Variants in PPP3CA observed in about 807,000 individuals in gnomAD.
PPP3CA encodes CAM-PRP catalytic subunit.
In PPP3CA, 14 loss-of-function variants were observed where a neutral mutation model predicts 66.5. The observed-to-expected ratio is 0.21, with a 90% CI of 0.14 to 0.33. The LOEUF (loss-of-function observed/expected upper bound fraction) is 0.33, where lower values mean the gene tolerates loss of function less well. PPP3CA is among the 10% of genes least tolerant of loss of function. The probability of loss-of-function intolerance (pLI) is 1.00; values close to 1 mark genes in which losing one functional copy is unlikely to be tolerated. For synonymous variants in PPP3CA, 232 were observed against 226.2 expected (o/e 1.03, Z -0.23); for missense variants, 317 against 639.5 (o/e 0.50, Z 5.44).
At chr4:101,119,897 A>T (rs1721971336) in intron 2 of PPP3CA, among the ~76,000 whole-genome samples, 1 of 152,084 alleles carries the variant, frequency 6.6e-6, no homozygotes, top group Non-Finnish European at 1.5e-5. Context: ...GATTAGACTG[A>T]TTATCCACTA....
chr4:101,287,969 C>G (rs536537786), intron 1 of PPP3CA, among the ~76,000 whole-genome samples: 1 of 152,118 alleles, frequency 6.6e-6, no homozygotes, highest in South Asian at 2.1e-4. Flanking sequence ...TTGACCCAAC[C>G]GTTTAAGTCA....
chr4:101,271,087 G>T (rs1328356574), intron 1 of PPP3CA, among the ~76,000 whole-genome samples: 1 of 151,940 alleles, frequency 6.6e-6, no homozygotes, highest in African/African-American at 2.4e-5. Flanking sequence ...GTCTTTCAGA[G>T]AGTTCACATC....
intron 2 of PPP3CA, among the ~76,000 whole-genome samples, chr4:101,190,653 A>G (rs894738493): frequency 2.6e-5 from 4 of 152,112 alleles, no homozygotes; most frequent in Non-Finnish European, 5.9e-5. Flanking sequence ...TGTTTGATAC[A>G]CTGTTCCAGT....
chr4:101,196,663 G>A (rs1400937967), intron 1 of PPP3CA, among the ~76,000 whole-genome samples: 1 of 152,174 alleles, frequency 6.6e-6, no homozygotes, highest in Non-Finnish European at 1.5e-5. Context: ...CTACTGATAA[G>A]GAAATCAGGA....
At chr4:101,058,538 G>A (rs1728323274) in intron 10 of PPP3CA, among the ~76,000 whole-genome samples, 1 of 152,138 alleles carries the variant, frequency 6.6e-6, no homozygotes, top group Non-Finnish European at 1.5e-5. Context: ...GGGAATTCAG[G>A]GGTCTGCTTA....
chr4:101,258,341 G>A (rs1170414686), intron 1 of PPP3CA, among the ~76,000 whole-genome samples: 2 of 152,124 alleles, frequency 1.3e-5, no homozygotes, highest in African/African-American at 4.8e-5. Context: ...ATTTTCTGAT[G>A]AGCCAATGAA....
rs1319438181 is a variant in PPP3CA at position 101,093,926 on chromosome 4, T to C, written c.643-11A>G. On this transcript the variant is annotated splice_polypyrimidine_tract_variant and intron_variant, in intron 5 of 13. Coordinates refer to ENST00000394854, the MANE Select transcript of PPP3CA (RefSeq NM_000944.5). ...TTTGAATCGGTCTAACTAAGAAAAA[T>C]AGAAGACAGAGAGCAAAATACTAAT... 3 of 1,587,452 alleles carry C rather than the reference T, an allele frequency of 1.9e-6. No individual in the cohort carries two copies. Among genetic ancestry groups the C allele is most frequent in the Admixed American group, 1.9e-5 (1 of 53,490 alleles).
chr4:101,177,139 T>C (rs1221519097), intron 2 of PPP3CA, among the ~76,000 whole-genome samples: 1 of 152,112 alleles, frequency 6.6e-6, no homozygotes, highest in African/African-American at 2.4e-5. Context: ...AAACTAGTGG[T>C]TTTAAAATGT....
intron 1 of PPP3CA, among the ~76,000 whole-genome samples, chr4:101,345,683 T>C (rs1729960130): frequency 1.3e-5 from 2 of 152,174 alleles, no homozygotes; most frequent in African/African-American, 2.4e-5. Context: ...AGGAGGCCGA[T>C]AGATTCCCGT....
intron 1 of PPP3CA, among the ~76,000 whole-genome samples, chr4:101,290,577 C>A (rs991727055): frequency 6.6e-6 from 1 of 152,078 alleles, no homozygotes; most frequent in African/African-American, 2.4e-5. Context: ...TGCTGGACAG[C>A]GGATGGAGCA....
intron 1 of PPP3CA, among the ~76,000 whole-genome samples, chr4:101,237,030 A>C (rs1293705853): frequency 1.3e-5 from 2 of 150,478 alleles, no homozygotes; most frequent in African/African-American, 4.9e-5. Context: ...AATAAGAATT[A>C]AATAAAATAA....
In PPP3CA at chr4:101,057,158, G is replaced by A. The variant is rs895254186; in HGVS notation, c.1156+3929C>T. On this transcript the variant is annotated intron_variant, in intron 10 of 13. Transcript: ENST00000394854. ...CAACCTCTGTCTCCCGGGTTCAAGC[G>A]ATTCTTGTGCCTCAGCCTTCCAAGT... is the stretch of plus-strand genomic sequence containing the variant. Among the ~76,000 whole-genome samples, 3 of 151,760 alleles carry A rather than the reference G, an allele frequency of 2.0e-5. No individual in the cohort carries two copies. The South Asian group carries it at 6.2e-4, about 31-fold the overall frequency.
intron 5 of PPP3CA, 34 bp downstream of exon 5, chr4:101,098,333 A>C (rs1318189337): frequency 6.4e-7 from 1 of 1,568,902 alleles, no homozygotes; most frequent in Admixed American, 1.9e-5. Context: ...TGTAGCGCAC[A>C]AAATGATTAG....
At chr4:101,109,968 TG>T (rs1721615548) in intron 2 of PPP3CA, among the ~76,000 whole-genome samples, 1 of 152,164 alleles carries the variant, frequency 6.6e-6, no homozygotes, top group Non-Finnish European at 1.5e-5. Flanking sequence ...TTATGTGGCT[TG>T]GTAGGGTCAC....
At chr4:101,303,759 G>A (rs1033918678) in intron 1 of PPP3CA, among the ~76,000 whole-genome samples, 2 of 152,088 alleles carry the variant, frequency 1.3e-5, no homozygotes, top group Non-Finnish European at 1.5e-5. Context: ...CCTTGTTATC[G>A]TGAGTACATA....
chr4:101,046,635 T>C (rs1046338978), intron 10 of PPP3CA, among the ~76,000 whole-genome samples: 1 of 152,166 alleles, frequency 6.6e-6, no homozygotes, highest in Non-Finnish European at 1.5e-5. Flanking sequence ...GAAAATTTTT[T>C]TTACCACTCA....
chr4:101,115,646 A>G (rs1721816490), intron 2 of PPP3CA, among the ~76,000 whole-genome samples: 1 of 151,960 alleles, frequency 6.6e-6, no homozygotes, highest in African/African-American at 2.4e-5. Flanking sequence ...CTATACAAAT[A>G]ATAGCTTGAA....
intron 1 of PPP3CA, among the ~76,000 whole-genome samples, chr4:101,298,947 T>A (rs1201395744): frequency 2.0e-5 from 3 of 151,684 alleles, no homozygotes; most frequent in African/African-American, 7.3e-5. Flanking sequence ...ATTGGGCAAT[T>A]TTGTCATTGT....
chr4:101,313,307 G>A (rs1184609736), intron 1 of PPP3CA, among the ~76,000 whole-genome samples: 1 of 152,126 alleles, frequency 6.6e-6, no homozygotes, highest in African/African-American at 2.4e-5. Context: ...GATTAGAGGT[G>A]TGAGCCAACA....
Sources: gnomAD v4.1 joint callset for allele counts (sites outside exome capture counted in the v4.1 genomes callset) on GRCh38, gnomAD v4.1.1 for gene constraint, MANE v1.5 for transcripts, NCBI Gene and HGNC (gene_info 2026-07-23, HGNC 2026-07-21) for gene names.